SCYL2: variants seen among roughly 807,000 people sequenced by gnomAD.
The protein encoded by SCYL2 is SCY1 like pseudokinase 2.
In SCYL2, 36 loss-of-function variants were observed where a neutral mutation model predicts 100.4. The observed-to-expected ratio is 0.36, with a 90% CI of 0.27 to 0.47. The LOEUF is 0.47. Ranked by LOEUF, SCYL2 falls within the 20% of genes least tolerant of loss-of-function variation. SCYL2 has a pLI of 1.00. For synonymous variants in SCYL2, 330 were observed against 359.2 expected, an observed-to-expected ratio of 0.92 and a Z score of 0.92; for missense variants, 902 against 1,083.9, an observed-to-expected ratio of 0.83 and a Z score of 2.36.
At chr12:100,312,837 G>A (rs945492873) in intron 6 of SCYL2, among the ~76,000 whole-genome samples, 184 bp downstream of exon 6, 2 of 152,168 alleles carry the variant, frequency 1.3e-5, no homozygotes, top group Non-Finnish European at 2.9e-5. Flanking sequence ...CGCAGACTAG[G>A]CCAGGTGCTC....
intron 3 of SCYL2, among the ~76,000 whole-genome samples, chr12:100,294,342 G>A (rs776476272): frequency 0.011 from 948 of 85,208 alleles, 2 homozygotes; most frequent in Middle Eastern, 0.018. Context: ...GGGCAGAGGC[G>A]CCCCTCACCT....
chr12:100,279,023 A>G (rs189824182), intron 1 of SCYL2, among the ~76,000 whole-genome samples: 84 of 152,204 alleles, frequency 5.5e-4, no homozygotes, highest in African/African-American at 1.7e-3. Flanking sequence ...ATTTTCAGCT[A>G]TTTGGTATAT....
chr12:100,332,183 G>A (rs772027229), intron 13 of SCYL2, among the ~76,000 whole-genome samples: 1 of 152,190 alleles, frequency 6.6e-6, no homozygotes, highest in Non-Finnish European at 1.5e-5. Flanking sequence ...CATGTGAAAT[G>A]TTGCCAACCA....
At position 100,335,843 on chromosome 12, in the gene SCYL2, A is replaced by G. The variant is rs750745879; in HGVS notation, c.1962A>G (p.Ala654=). 1.4e-5 allele frequency: 22 copies of G among 1,613,342 alleles called. No individual in the cohort carries two copies. The highest frequency in any genetic ancestry group is 1.8e-5 in the Non-Finnish European group (21 of 1,179,466). ...QIDKVFNNIG[A]DLLTGSESEN... The stretch of plus-strand genomic sequence containing the variant: ...ACAAAGTTTTTAACAACATTGGAGC[A>G]GACCTTCTGACTGGCAGTGAGTCCG... Residue 654 remains alanine (A), a synonymous_variant, in exon 16 of 18, where the codon GCA becomes GCG. Coordinates refer to ENST00000360820, the MANE Select transcript of SCYL2 (RefSeq NM_017988.6).
At chr12:100,322,061 GA>G (rs1191329749) in intron 10 of SCYL2, among the ~76,000 whole-genome samples, 18 of 126,352 alleles carry the variant, frequency 1.4e-4, no homozygotes, top group Non-Finnish European at 2.0e-4. Flanking sequence ...AAAAAAAAAA[GA>G]AAAAAAAACC....
At chr12:100,301,551 G>A (rs2096327695) in intron 4 of SCYL2, among the ~76,000 whole-genome samples, 2 of 152,134 alleles carry the variant, frequency 1.3e-5, no homozygotes, top group African/African-American at 4.8e-5. Flanking sequence ...TACTTGTAGG[G>A]CATTACTCAA....
intron 4 of SCYL2, among the ~76,000 whole-genome samples, chr12:100,306,412 A>C (rs1027210741): frequency 1.3e-5 from 2 of 152,272 alleles, no homozygotes; most frequent in Non-Finnish European, 2.9e-5. Context: ...CCACATGATT[A>C]TATCAATAGT....
intron 4 of SCYL2, among the ~76,000 whole-genome samples, chr12:100,306,630 T>G (rs1170222274): frequency 6.6e-6 from 1 of 152,166 alleles, no homozygotes; most frequent in African/African-American, 2.4e-5. Context: ...CAACATTGTA[T>G]TGGAAATTCT....
intron 3 of SCYL2, among the ~76,000 whole-genome samples, chr12:100,295,696 A>AGGGAGAGGGAGACCGTGGGGAGAC: frequency 6.6e-6 from 1 of 150,918 alleles, no homozygotes; most frequent in South Asian, 2.1e-4. Flanking sequence ...GTGGAAACAG[A>AGGGAGAGGGAGACCGTGGGGAGAC]GGGAGAGGGA....
At chr12:100,289,894 T>C (rs1311538199) in intron 2 of SCYL2, among the ~76,000 whole-genome samples, 1 of 152,362 alleles carries the variant, frequency 6.6e-6, no homozygotes, top group African/African-American at 2.4e-5. Context: ...GACAGGTTGT[T>C]GAATCTCTGT....
intron 2 of SCYL2, among the ~76,000 whole-genome samples, chr12:100,290,417 T>C (rs1317436162): frequency 3.3e-5 from 5 of 152,222 alleles, no homozygotes. Context: ...AACTCATTTA[T>C]ATACATAAGG....
chr12:100,274,328 TTAAA>T (rs1165457228), intron 1 of SCYL2, among the ~76,000 whole-genome samples: 3 of 152,232 alleles, frequency 2.0e-5, no homozygotes, highest in African/African-American at 7.2e-5. Context: ...TGTCAAGAGT[TTAAA>T]TAGTTGCAAA....
intron 10 of SCYL2, among the ~76,000 whole-genome samples, chr12:100,321,692 A>G (rs894723109): frequency 2.0e-5 from 3 of 152,212 alleles, no homozygotes; most frequent in African/African-American, 4.8e-5. Context: ...ACATTTTCAT[A>G]TATATCCTTC....
At chr12:100,289,775 CTG>C (rs1214643433) in intron 2 of SCYL2, among the ~76,000 whole-genome samples, 2 of 152,128 alleles carry the variant, frequency 1.3e-5, no homozygotes, top group Non-Finnish European at 2.9e-5. Context: ...CTCTTGATCA[CTG>C]TTATATTCTT....
chr12:100,274,673 A>G (rs1592925288), intron 1 of SCYL2, among the ~76,000 whole-genome samples: 1 of 152,318 alleles, frequency 6.6e-6, no homozygotes, highest in East Asian at 1.9e-4. Flanking sequence ...TAACACTGGG[A>G]TGGCTGAGAG....
intron 4 of SCYL2, among the ~76,000 whole-genome samples, chr12:100,299,428 C>A (rs1194799470): frequency 1.3e-5 from 2 of 152,124 alleles, no homozygotes; most frequent in African/African-American, 4.8e-5. Flanking sequence ...CACTTACTTA[C>A]CTGTGAAACC....
rs1044893764 is a variant in SCYL2 at position 100,267,747 on chromosome 12, A to G, written c.-74A>G. On this transcript the variant is annotated 5_prime_UTR_variant, in exon 1 of 18. Transcript: ENST00000360820. ...TCGAGAGCTCGGGTTTCGGTGGTGG[A>G]GAACGTAGTACCTTTCGGGGACATT... 6.6e-6 allele frequency: 1 copy of G among 152,194 alleles called. No individual in the cohort carries two copies. The highest frequency in any genetic ancestry group is 1.5e-5 in the Non-Finnish European group (1 of 68,104). 9.4% of individuals were successfully genotyped at this position (152,194 alleles called of 1,614,324 possible).
intron 1 of SCYL2, among the ~76,000 whole-genome samples, chr12:100,280,225 GTTAT>G (rs1365827559): frequency 6.6e-6 from 1 of 152,140 alleles, no homozygotes; most frequent in East Asian, 1.9e-4. Flanking sequence ...ATGGGCAGAA[GTTAT>G]TTATTCATTT....
chr12:100,308,598 T>C (rs1444972148), intron 4 of SCYL2, among the ~76,000 whole-genome samples: 1 of 147,976 alleles, frequency 6.8e-6, no homozygotes, highest in African/African-American at 2.4e-5. Flanking sequence ...TAAAAAAAAC[T>C]GCACATTCTG....
Sources: allele counts gnomAD v4.1 joint callset (sites outside exome capture counted in the v4.1 genomes callset), GRCh38; gene constraint gnomAD v4.1.1; transcripts MANE v1.5; gene names NCBI Gene and HGNC (gene_info 2026-07-23, HGNC 2026-07-21).